Variants in CEP128 observed in about 807,000 individuals in gnomAD.
The protein encoded by CEP128 is centrosomal protein 128.
Under a neutral mutation model 156.7 loss-of-function variants are expected in CEP128, and 132 were observed. The ratio of observed to expected loss-of-function variants is 0.84; its 90% CI spans 0.73 to 0.97. The LOEUF (loss-of-function observed/expected upper bound fraction) is 0.97, where lower values mean the gene tolerates loss of function less well. Among genes scored for constraint, CEP128 ranks in the 50% least tolerant of loss-of-function variants. The pLI is 0.00. For synonymous variants in CEP128, 469 were observed against 448.9 expected (o/e 1.04, Z -0.57); for missense variants, 1,252 against 1,281.9 (o/e 0.98, Z 0.36).
chr14:80,817,478 T>G (rs1269166550), intron 13 of CEP128, among the ~76,000 whole-genome samples: 3 of 152,216 alleles, frequency 2.0e-5, no homozygotes, highest in African/African-American at 7.2e-5. Flanking sequence ...GAAAAACATT[T>G]TTTTAAAATG....
chr14:80,556,809 A>G (rs1890457291), intron 21 of CEP128, among the ~76,000 whole-genome samples: 1 of 152,170 alleles, frequency 6.6e-6, no homozygotes. Flanking sequence ...TCTAAGTTTT[A>G]AGCACTGACT....
chr14:80,800,475 A>G (rs1261638218), intron 13 of CEP128, among the ~76,000 whole-genome samples: 1 of 152,228 alleles, frequency 6.6e-6, no homozygotes, highest in Non-Finnish European at 1.5e-5. Context: ...TAAGGCAGAT[A>G]GTTTTTGGCA....
intron 9 of CEP128, among the ~76,000 whole-genome samples, chr14:80,860,977 T>C (rs1347211412): frequency 2.0e-5 from 3 of 152,074 alleles, no homozygotes; most frequent in African/African-American, 4.8e-5. Context: ...TTCTACTTTT[T>C]ATATTTTATG....
At chr14:80,811,787 C>CTG (rs140168558) in intron 13 of CEP128, among the ~76,000 whole-genome samples, 11,158 of 120,830 alleles carry the variant, frequency 0.092, 528 homozygotes, top group Non-Finnish European at 0.14. Context: ...TCTTCTGCGT[C>CTG]TGTGTGTGTG....
intron 16 of CEP128, 41 bp from the exon 17 acceptor site, chr14:80,761,654 A>G: frequency 7.1e-7 from 1 of 1,414,810 alleles, no homozygotes; most frequent in Non-Finnish European, 9.7e-7. Context: ...ATTACTATTA[A>G]GTGGAGGCAA....
chr14:80,809,883 C>T (rs1263799101), intron 13 of CEP128, among the ~76,000 whole-genome samples: 2 of 151,852 alleles, frequency 1.3e-5, no homozygotes, highest in Non-Finnish European at 2.9e-5. Context: ...ACAGCAGTTA[C>T]CACAATGAAA....
chr14:80,541,452 A>AG (rs1555372795), intron 21 of CEP128, among the ~76,000 whole-genome samples: 3 of 150,156 alleles, frequency 2.0e-5, no homozygotes, highest in Non-Finnish European at 4.4e-5. Context: ...TTAAAAAAAA[A>AG]AAAAAAAAAA....
intron 9 of CEP128, among the ~76,000 whole-genome samples, chr14:80,854,781 G>C (rs1276646122): frequency 6.6e-6 from 1 of 152,164 alleles, no homozygotes; most frequent in Non-Finnish European, 1.5e-5. Flanking sequence ...GACCAAAACA[G>C]TGTATTAATG....
At position 80,782,118 on chromosome 14, in the gene CEP128, C is replaced by T. The variant is rs327461; in HGVS notation, c.2211+2777G>A. ...TCACATCACACTATTTCTCATCAAC[C>T]CCCTCTACCTTGCTGGCAACAGCTG... On this transcript the variant is annotated intron_variant, in intron 15 of 24. Transcript: ENST00000555265. 9.1e-3 allele frequency among the ~76,000 whole-genome samples: 1,386 copies of T among 152,304 alleles called. 24 individuals carry two copies. The highest frequency in any genetic ancestry group is 0.032 in the African/African-American group (1,323 of 41,560).
chr14:80,613,360 T>C (rs950022132), intron 19 of CEP128, among the ~76,000 whole-genome samples: 8 of 126,872 alleles, frequency 6.3e-5, no homozygotes, highest in African/African-American at 2.1e-4. Context: ...TGGAGTGCAG[T>C]GGCGCGATCT....
At position 80,804,458 on chromosome 14, in the gene CEP128, G is replaced by A. The variant is rs150127742; in HGVS notation, c.1210-11348C>T. 3.3e-5 allele frequency among the ~76,000 whole-genome samples: 5 copies of A among 152,030 alleles called. No homozygotes were observed. In the South Asian group the frequency reaches 8.3e-4, roughly 25 times the overall value. On this transcript the variant is annotated intron_variant, in intron 13 of 24. Coordinates refer to ENST00000555265, the MANE Select transcript of CEP128 (RefSeq NM_152446.5). Reference sequence around the variant, plus strand: ...GTGGTAGACAAGCCAATGATAGAACGCCACTTGAAATATAATTCAATTAAT... The same window carrying A: ...GTGGTAGACAAGCCAATGATAGAACACCACTTGAAATATAATTCAATTAAT...
chr14:80,733,339 C>CATGTGT (rs764448807), intron 19 of CEP128, among the ~76,000 whole-genome samples: 2 of 140,136 alleles, frequency 1.4e-5, no homozygotes, highest in Non-Finnish European at 3.1e-5. Context: ...CCACATGGGT[C>CATGTGT]GTGTGTGTGT....
intron 8 of CEP128, among the ~76,000 whole-genome samples, chr14:80,886,846 A>C (rs967904918): frequency 6.6e-6 from 1 of 152,228 alleles, no homozygotes; most frequent in Admixed American, 6.5e-5. Context: ...AATTGGAAAA[A>C]GAGTCAAGAC....
In CEP128 at chr14:80,623,828, TAC is replaced by T. The variant is rs542519066; in HGVS notation, c.2807-43407_2807-43406del. 2.0e-4 allele frequency among the ~76,000 whole-genome samples: 30 copies of T among 152,322 alleles called. No individual in the cohort carries two copies. The East Asian group carries it at 4.6e-3, about 23-fold the overall frequency. On this transcript the variant is annotated intron_variant, in intron 19 of 24. Transcript: ENST00000555265. ...GTAATAATTGTACACATTTATGGGA[TAC>T]AGAGTGATATTTTGATACATGTATG...
intron 19 of CEP128, among the ~76,000 whole-genome samples, chr14:80,707,749 TA>T (rs1358691199): frequency 6.6e-6 from 1 of 152,180 alleles, no homozygotes; most frequent in Non-Finnish European, 1.5e-5. Flanking sequence ...TCATTTGATT[TA>T]TTCCTCAAGA....
chr14:80,748,571 C>T (rs1209354103), intron 18 of CEP128, among the ~76,000 whole-genome samples: 1 of 152,104 alleles, frequency 6.6e-6, no homozygotes, highest in Non-Finnish European at 1.5e-5. Flanking sequence ...CCAAAGTGTA[C>T]ATTTTTGAGA....
chr14:80,783,371 C>G (rs1901227400), intron 15 of CEP128, among the ~76,000 whole-genome samples: 1 of 152,208 alleles, frequency 6.6e-6, no homozygotes, highest in South Asian at 2.1e-4. Context: ...TTCCCTACCA[C>G]TCTCCTGCTG....
chr14:80,671,189 G>A (rs192582402), intron 19 of CEP128, among the ~76,000 whole-genome samples: 1 of 152,212 alleles, frequency 6.6e-6, no homozygotes, highest in East Asian at 1.9e-4. Context: ...CAGATGGTAA[G>A]TTATCAGACA....
intron 19 of CEP128, among the ~76,000 whole-genome samples, chr14:80,606,602 G>C (rs1025585449): frequency 6.6e-6 from 1 of 152,124 alleles, no homozygotes; most frequent in African/African-American, 2.4e-5. Context: ...GAAAGGAAAG[G>C]AAAATGCTCA....
Sources: gnomAD v4.1 joint callset for allele counts (sites outside exome capture counted in the v4.1 genomes callset) on GRCh38, gnomAD v4.1.1 for gene constraint, MANE v1.5 for transcripts, NCBI Gene and HGNC (gene_info 2026-07-23, HGNC 2026-07-21) for gene names.